The following SMC4 variants were observed in gnomAD, a reference collection of about 807,000 sequenced individuals.
SMC4 encodes structural maintenance of chromosomes 4, also known as structural maintenance of chromosomes protein 4.
In SMC4, 87 loss-of-function variants were observed where a neutral mutation model predicts 145.6. The observed-to-expected ratio is 0.60, with a 90% CI of 0.50 to 0.71. The LOEUF (loss-of-function observed/expected upper bound fraction) is 0.71, where lower values mean the gene tolerates loss of function less well. Ranked by LOEUF, SMC4 falls within the 30% of genes least tolerant of loss-of-function variation. The pLI is 0.00. For synonymous variants in SMC4, 558 were observed against 500.7 expected (o/e 1.11, Z -1.53); for missense variants, 1,447 against 1,537.1 (o/e 0.94, Z 0.98).
rs1298900767 is a variant in SMC4 at position 160,412,352 on chromosome 3, G to A, written c.879G>A (p.Lys293=). Residue 293 remains lysine, a synonymous_variant, in exon 7 of 24, where the codon AAG becomes AAA. Transcript: ENST00000357388. ...TAAACAGGGTAAAGATGGTGGAAAA[G>A]GAAAAGGATGCCTTAGAAGGAGAGA... ...EKLNRVKMVE[K]EKDALEGEKN... is the part of the protein sequence containing the mutation. The A allele has an allele frequency of 1.9e-6, 3 of 1,601,036 alleles. No individual in the cohort carries two copies. Among genetic ancestry groups the A allele is most frequent in the East Asian group, 2.2e-5 (1 of 44,682 alleles).
At chr3:160,414,194 A>G in intron 8 of SMC4, 173 bp from the exon 9 acceptor site, 1 of 639,966 alleles carries the variant, frequency 1.6e-6, no homozygotes, top group Non-Finnish European at 2.9e-6. Context: ...TCAAAAATAC[A>G]GGTGCTTCTT....
intron 1 of SMC4, chr3:160,400,051 C>T (rs1003447494): frequency 6.6e-6 from 1 of 152,462 alleles, no homozygotes; most frequent in African/African-American, 2.4e-5. Flanking sequence ...TCTCCCCCTA[C>T]CCCTCTTCCT....
At position 160,404,523 on chromosome 3, in the gene SMC4, T is replaced by C; in HGVS notation, c.687+19T>C. On this transcript the variant is annotated intron_variant, in intron 5 of 23. Transcript: ENST00000357388. ...TTTACAGGTAAGTTTATTAAAGACT[T>C]CAAAGATTCTCTTATTCTTGTTACT... 6.2e-7 allele frequency: 1 copy of C among 1,600,390 alleles called. No homozygotes were observed. Among genetic ancestry groups the C allele is most frequent in the South Asian group, 1.1e-5 (1 of 89,106 alleles).
chr3:160,423,672 GGTTT>G (rs781399830), intron 14 of SMC4, 22 bp downstream of exon 14: 21 of 1,599,022 alleles, frequency 1.3e-5, no homozygotes, highest in Middle Eastern at 1.7e-4. Flanking sequence ...TTTGTTTCTT[GGTTT>G]GTTTTTTTTT....
intron 17 of SMC4, 74 bp from the exon 18 acceptor site, chr3:160,428,679 A>G: frequency 7.2e-7 from 1 of 1,389,494 alleles, no homozygotes; most frequent in South Asian, 1.4e-5. Flanking sequence ...ATAGCAACTG[A>G]AGAAATGTAC....
At chr3:160,415,759 C>A (rs1004105141) in intron 9 of SMC4, among the ~76,000 whole-genome samples, 4 of 152,156 alleles carry the variant, frequency 2.6e-5, no homozygotes, top group African/African-American at 4.8e-5. Context: ...GCATAGACTG[C>A]ATGGATAAGT....
chr3:160,413,832 C>G (rs1019704416), intron 8 of SMC4: 5 of 360,958 alleles, frequency 1.4e-5, no homozygotes, highest in Admixed American at 4.7e-5. Context: ...GATGCTACCC[C>G]CTAGTGGCGT....
At chr3:160,422,909 T>A (rs989962336) in intron 13 of SMC4, among the ~76,000 whole-genome samples, 2 of 152,210 alleles carry the variant, frequency 1.3e-5, no homozygotes. Context: ...AAAGATTCTT[T>A]ACCCCATTGA....
Position 160,423,859 on chromosome 3 carries a change from G to A in SMC4, c.2325+19G>A. 1 of 1,560,338 alleles carries A rather than the reference G, an allele frequency of 6.4e-7. No homozygotes were observed. Among genetic ancestry groups the A allele is most frequent in the Non-Finnish European group, 8.7e-7 (1 of 1,148,224 alleles). Reference sequence around the variant, plus strand: ...AGAAGAGGTCAGCATATCTAAAATTGTATCCAGACTTTTTTTTTTTTTTAA... The same window carrying A: ...AGAAGAGGTCAGCATATCTAAAATTATATCCAGACTTTTTTTTTTTTTTAA... On this transcript the variant is annotated intron_variant, in intron 15 of 23. Coordinates refer to ENST00000357388, the MANE Select transcript of SMC4 (RefSeq NM_001002800.3).
intron 5 of SMC4, among the ~76,000 whole-genome samples, chr3:160,411,359 G>A (rs574073894): frequency 6.7e-4 from 102 of 152,204 alleles, no homozygotes; most frequent in African/African-American, 2.1e-3. Context: ...GAACATGTAA[G>A]TTTTTGACTA....
Position 160,434,887 on chromosome 3 carries a change from A to G in SMC4, c.*1078A>G, listed in dbSNP as rs1283534148. On this transcript the variant is annotated 3_prime_UTR_variant, in exon 24 of 24. Transcript: ENST00000357388. ...TAAAAAATCCAACAGTTTCTATCAT[A>G]ATGTAACTGTAAAAATGTAAACACA... 1 of 152,192 alleles carries G rather than the reference A, an allele frequency of 6.6e-6. No individual in the cohort carries two copies. Among genetic ancestry groups the G allele is most frequent in the Non-Finnish European group, 1.5e-5 (1 of 68,036 alleles). The allele number at this position is 152,192 out of a possible 1,614,324, so 9.4% of individuals were successfully genotyped here.
In SMC4 at chr3:160,412,094, CTG is replaced by C; in HGVS notation, c.852+12_852+13del. On this transcript the variant is annotated intron_variant, in intron 6 of 23. Coordinates refer to ENST00000357388, the MANE Select transcript of SMC4 (RefSeq NM_001002800.3). ...ACACAGAGGAGAGAAGGTGAATCAT[CTG>C]TAGACTTTCATTGTAAATCAGAATG... 6.2e-7 allele frequency: 1 copy of C among 1,604,702 alleles called. No individual in the cohort carries two copies. Among genetic ancestry groups the C allele is most frequent in the Non-Finnish European group, 8.5e-7 (1 of 1,176,074 alleles).
chr3:160,422,731 C>G (rs931490609), intron 13 of SMC4, among the ~76,000 whole-genome samples: 3 of 152,128 alleles, frequency 2.0e-5, no homozygotes, highest in African/African-American at 7.2e-5. Flanking sequence ...ACTGCCTAAT[C>G]CAAGGTCACA....
intron 4 of SMC4, among the ~76,000 whole-genome samples, chr3:160,403,522 A>G (rs1714947625): frequency 6.6e-6 from 1 of 152,180 alleles, no homozygotes; most frequent in African/African-American, 2.4e-5. Context: ...CTAATTACAT[A>G]ATGAAATTGG....
intron 13 of SMC4, among the ~76,000 whole-genome samples, chr3:160,422,989 T>C (rs538942930): frequency 7.2e-5 from 11 of 152,332 alleles, no homozygotes; most frequent in Non-Finnish European, 1.5e-4. Flanking sequence ...CTTTCAGTTT[T>C]ATTACTTGTG....
intron 10 of SMC4, chr3:160,417,508 A>G (rs1560001275): frequency 1.9e-6 from 1 of 537,672 alleles, no homozygotes; most frequent in Non-Finnish European, 3.3e-6. Context: ...GATCTCACAA[A>G]GCTCTTGTGA....
At chr3:160,410,300 G>A (rs1044540861) in intron 5 of SMC4, among the ~76,000 whole-genome samples, 7 of 152,088 alleles carry the variant, frequency 4.6e-5, no homozygotes, top group African/African-American at 1.7e-4. Context: ...CCACAACAAA[G>A]AATATCCAGC....
chr3:160,426,611 G>A (rs1347966143), intron 17 of SMC4, among the ~76,000 whole-genome samples: 1 of 151,922 alleles, frequency 6.6e-6, no homozygotes, highest in African/African-American at 2.4e-5. Flanking sequence ...ATATATATAT[G>A]TATTTTTTTT....
At position 160,423,421 on chromosome 3, in the gene SMC4, T is replaced by C. The variant is rs1717415511; in HGVS notation, c.2020-4T>C. The C allele has an allele frequency of 6.4e-7, 1 of 1,552,370 alleles. No homozygotes were observed. The highest frequency in any genetic ancestry group is 8.8e-7 in the Non-Finnish European group (1 of 1,138,402). The stretch of plus-strand genomic sequence containing the variant: ...TTTTTGTTTGTTTGTTTGTTTACTT[T>C]TAGATGGCTGTATGGGCGAAAAAGA... On this transcript the variant is annotated splice_region_variant and splice_polypyrimidine_tract_variant and intron_variant, in intron 13 of 23. Transcript: ENST00000357388.
Sources: allele counts gnomAD v4.1 joint callset (sites outside exome capture counted in the v4.1 genomes callset), GRCh38; gene constraint gnomAD v4.1.1; transcripts MANE v1.5; gene names NCBI Gene and HGNC (gene_info 2026-07-23, HGNC 2026-07-21).